SH2D4B: variants seen among roughly 807,000 people sequenced by gnomAD.
The protein encoded by SH2D4B is SH2 domain containing 4B.
SH2D4B carries 45 observed loss-of-function variants against 61.5 expected under a neutral mutation model. The observed-to-expected ratio is 0.73, with a 90% CI of 0.58 to 0.94. SH2D4B has a LOEUF of 0.94. Among genes scored for constraint, SH2D4B ranks in the 40% least tolerant of loss-of-function variants. The probability of loss-of-function intolerance (pLI) is 0.00; values close to 1 mark genes in which losing one functional copy is unlikely to be tolerated. For synonymous variants in SH2D4B, 224 were observed against 220.4 expected, an observed-to-expected ratio of 1.02 and a Z score of -0.14; for missense variants, 572 against 574.2, an observed-to-expected ratio of 1.00 and a Z score of 0.04.
intron 6 of SH2D4B, among the ~76,000 whole-genome samples, chr10:80,615,578 G>A (rs1461191657): frequency 2.0e-5 from 3 of 151,822 alleles, no homozygotes; most frequent in African/African-American, 7.3e-5. Context: ...TCCTGACCCA[G>A]CTTGAGGGAA....
intron 4 of SH2D4B, among the ~76,000 whole-genome samples, chr10:80,602,225 G>T (rs1387173894): frequency 2.0e-4 from 31 of 152,304 alleles, no homozygotes; most frequent in Non-Finnish European, 1.5e-5. Flanking sequence ...CTCTGGGGAG[G>T]CCAAGGTGGG....
intron 7 of SH2D4B, 89 bp downstream of exon 7, chr10:80,634,594 G>T: frequency 6.7e-7 from 1 of 1,499,614 alleles, no homozygotes; most frequent in Non-Finnish European, 8.9e-7. Context: ...AAGCAAGGCT[G>T]CTGGCTCTGG....
intron 3 of SH2D4B, among the ~76,000 whole-genome samples, chr10:80,572,986 A>ATATATATATATT (rs1564772012): frequency 2.3e-4 from 2 of 8,874 alleles, no homozygotes; most frequent in African/African-American, 3.7e-4. Context: ...ATATATATAT[A>ATATATATATATT]TTTTTTTTTT....
chr10:80,581,266 G>A (rs1009417912), intron 3 of SH2D4B, among the ~76,000 whole-genome samples: 15 of 152,118 alleles, frequency 9.9e-5, no homozygotes, highest in African/African-American at 3.6e-4. Context: ...GTTGAAGTAG[G>A]AACATTGCAT....
chr10:80,570,075 G>T, intron 1 of SH2D4B, 79 bp from the exon 2 acceptor site: 1 of 1,538,834 alleles, frequency 6.5e-7, no homozygotes, highest in South Asian at 1.2e-5. Flanking sequence ...TGTGATGGTT[G>T]TTTACCACTG....
At chr10:80,568,723 T>G (rs1345019704) in intron 1 of SH2D4B, among the ~76,000 whole-genome samples, 2 of 152,206 alleles carry the variant, frequency 1.3e-5, no homozygotes, top group Non-Finnish European at 2.9e-5. Context: ...TCCTACAACA[T>G]CTCAAATTTC....
Position 80,641,968 on chromosome 10 carries a change from GTC to G in SH2D4B, c.1210-2021_1210-2020del, listed in dbSNP as rs144693749. 1.9e-3 allele frequency among the ~76,000 whole-genome samples: 296 copies of G among 152,286 alleles called. 4 individuals carry two copies. Among genetic ancestry groups the G allele is most frequent in the African/African-American group, 7.0e-3 (291 of 41,552 alleles). On this transcript the variant is annotated intron_variant, in intron 7 of 7. Transcript: ENST00000646907. Reference sequence around the variant, plus strand: ...AAAGTGAAAGCCTCATTCATTTCAAGTCTCTATTTCTGTCCTCTACTTTGATT... The same window carrying G: ...AAAGTGAAAGCCTCATTCATTTCAAGTCTATTTCTGTCCTCTACTTTGATT...
At chr10:80,610,986 C>T (rs1842591132) in intron 6 of SH2D4B, among the ~76,000 whole-genome samples, 1 of 151,842 alleles carries the variant, frequency 6.6e-6, no homozygotes, top group Non-Finnish European at 1.5e-5. Context: ...GCCTGGCCAA[C>T]ATGATGAAAG....
At chr10:80,566,560 C>T (rs1042655585) in intron 1 of SH2D4B, among the ~76,000 whole-genome samples, 6 of 151,958 alleles carry the variant, frequency 3.9e-5, no homozygotes, top group Admixed American at 2.0e-4. Flanking sequence ...CCTTCCAAAG[C>T]GCTGGGATTA....
chr10:80,622,637 G>T (rs192922412), intron 6 of SH2D4B, among the ~76,000 whole-genome samples: 6 of 152,240 alleles, frequency 3.9e-5, no homozygotes, highest in Admixed American at 3.9e-4. Flanking sequence ...AGGGTCTCAT[G>T]GTGGGCTCCT....
intron 5 of SH2D4B, among the ~76,000 whole-genome samples, chr10:80,604,744 T>A (rs373974254): frequency 3.3e-5 from 5 of 151,262 alleles, no homozygotes; most frequent in African/African-American, 1.2e-4. Context: ...CCTCTCTCCC[T>A]CCATCTACTC....
intron 1 of SH2D4B, among the ~76,000 whole-genome samples, chr10:80,542,318 G>A (rs546849290): frequency 6.6e-6 from 1 of 151,844 alleles, no homozygotes; most frequent in South Asian, 2.1e-4. Context: ...AGCTGGGTGT[G>A]ACCAGGGGAC....
At chr10:80,614,727 A>G (rs941985895) in intron 6 of SH2D4B, among the ~76,000 whole-genome samples, 1 of 152,192 alleles carries the variant, frequency 6.6e-6, no homozygotes, top group Admixed American at 6.5e-5. Context: ...ATATTGCTCC[A>G]GGGCCCTGCC....
At chr10:80,638,619 G>T (rs1292590245) in intron 7 of SH2D4B, among the ~76,000 whole-genome samples, 1 of 152,130 alleles carries the variant, frequency 6.6e-6, no homozygotes, top group Non-Finnish European at 1.5e-5. Context: ...ATTTCTGTTG[G>T]ATCGGTGGTG....
At chr10:80,543,902 T>C (rs12776768) in intron 1 of SH2D4B, among the ~76,000 whole-genome samples, 15,572 of 88,426 alleles carry the variant, frequency 0.18, 1 homozygote, top group African/African-American at 0.37. Context: ...CTGGTGGGGA[T>C]GTGGAGAACC....
chr10:80,640,740 C>T (rs780086032), intron 7 of SH2D4B, among the ~76,000 whole-genome samples: 1 of 152,192 alleles, frequency 6.6e-6, no homozygotes, highest in Non-Finnish European at 1.5e-5. Context: ...CAAACATCCT[C>T]CTTTAGCTCG....
At chr10:80,602,748 C>T (rs1842465147) in intron 4 of SH2D4B, among the ~76,000 whole-genome samples, 1 of 152,198 alleles carries the variant, frequency 6.6e-6, no homozygotes, top group South Asian at 2.1e-4. Context: ...TTCCTTGAGC[C>T]TCAGTTTCCA....
At chr10:80,607,272 A>T (rs1261425008) in intron 5 of SH2D4B, 2 of 152,228 alleles carry the variant, frequency 1.3e-5, no homozygotes, top group Admixed American at 1.3e-4. Flanking sequence ...TTTTCCACCG[A>T]GCACAGCTAT....
chr10:80,543,103 C>T (rs1390398256), intron 1 of SH2D4B, among the ~76,000 whole-genome samples: 1 of 152,142 alleles, frequency 6.6e-6, no homozygotes, highest in Non-Finnish European at 1.5e-5. Context: ...AGCGTGCTGG[C>T]TGTCCTCACA....
Sources: gnomAD v4.1 joint callset for allele counts (sites outside exome capture counted in the v4.1 genomes callset) on GRCh38, gnomAD v4.1.1 for gene constraint, MANE v1.5 for transcripts, NCBI Gene and HGNC (gene_info 2026-07-23, HGNC 2026-07-21) for gene names.